PRKCH: variants seen among roughly 807,000 people sequenced by gnomAD.
The protein encoded by PRKCH is protein kinase C eta, also known as protein kinase C eta type.
A neutral mutation model predicts 82.5 loss-of-function variants in PRKCH; 28 were observed. The ratio of observed to expected loss-of-function variants is 0.34; its 90% confidence interval spans 0.25 to 0.47. The LOEUF (loss-of-function observed/expected upper bound fraction) is 0.47, where lower values mean the gene tolerates loss of function less well. Ranked by LOEUF, PRKCH falls within the 20% of genes least tolerant of loss-of-function variation. The pLI is 1.00. For missense variants in PRKCH, 705 were observed against 881.8 expected (o/e 0.80, Z 2.54); for synonymous variants, 322 against 327.4 (o/e 0.98, Z 0.18).
chr14:61,404,147 A>G (rs1163500370), intron 2 of PRKCH, among the ~76,000 whole-genome samples: 2 of 152,128 alleles, frequency 1.3e-5, no homozygotes, highest in Non-Finnish European at 2.9e-5. Flanking sequence ...TCTACCGTGA[A>G]ACTCGTCTTC....
rs575687570 is a variant in PRKCH at position 61,201,910 on chromosome 14, G to A, written c.-19+14242G>A. ...TGAAAACCAGTTACCTACAAAAAGTGAGCCTGGGGTGCTGATTATGGAGTG... is the reference window on the plus strand; with the variant it reads ...TGAAAACCAGTTACCTACAAAAAGTAAGCCTGGGGTGCTGATTATGGAGTG... On this transcript the variant is annotated intron_variant, in intron 1 of 3. Coordinates refer to the PRKCH transcript ENST00000555185. Among the ~76,000 whole-genome samples the A allele has an allele frequency of 1.1e-4, 17 of 152,234 alleles. No individual in the cohort carries two copies. The South Asian group carries it at 3.5e-3, about 32-fold the overall frequency.
chr14:61,265,127 A>T (rs2045086320), intron 1 of PRKCH, among the ~76,000 whole-genome samples: 1 of 152,200 alleles, frequency 6.6e-6, no homozygotes, highest in South Asian at 2.1e-4. Flanking sequence ...CTCAGTGGAA[A>T]ATAACAGGGT....
At chr14:61,493,914 G>A (rs1057494267) in intron 10 of PRKCH, among the ~76,000 whole-genome samples, 4 of 151,926 alleles carry the variant, frequency 2.6e-5, no homozygotes, top group Non-Finnish European at 4.4e-5. Flanking sequence ...TAGTATTTGG[G>A]TGGATTCAGG....
At chr14:61,540,685 G>T in intron 12 of PRKCH, among the ~76,000 whole-genome samples, 1 of 152,122 alleles carries the variant, frequency 6.6e-6, no homozygotes, top group Non-Finnish European at 1.5e-5. Context: ...TGTATCAAAC[G>T]GTATCATTCT....
chr14:61,243,948 TAAAA>T (rs36057064), intron 1 of PRKCH, among the ~76,000 whole-genome samples: 2 of 148,504 alleles, frequency 1.3e-5, no homozygotes, highest in Non-Finnish European at 3.0e-5. Flanking sequence ...TCATCTTAAT[TAAAA>T]AAAAAAAAAA....
intron 1 of PRKCH, among the ~76,000 whole-genome samples, chr14:61,223,192 G>A (rs1198334196): frequency 6.6e-6 from 1 of 152,160 alleles, no homozygotes; most frequent in African/African-American, 2.4e-5. Context: ...TTCAACCCAG[G>A]AAAGGATCCA....
intron 2 of PRKCH, among the ~76,000 whole-genome samples, chr14:61,434,373 A>G (rs1883574320): frequency 6.6e-6 from 1 of 152,186 alleles, no homozygotes; most frequent in African/African-American, 2.4e-5. Flanking sequence ...CCTGAAACCG[A>G]GCAGTGATGA....
intron 1 of PRKCH, among the ~76,000 whole-genome samples, chr14:61,385,396 T>G (rs1423336540): frequency 6.6e-6 from 1 of 152,124 alleles, no homozygotes; most frequent in Non-Finnish European, 1.5e-5. Context: ...TAGGTTTTTA[T>G]GAAGGTTTTG....
In PRKCH at chr14:61,210,772, C is replaced by CTG. The variant is rs1249726064; in HGVS notation, c.-19+23105_-19+23106insGT. On this transcript the variant is annotated intron_variant, in intron 1 of 3. Coordinates refer to the PRKCH transcript ENST00000555185. ...GAGTCCTTTCTCTCTCTCTCTCTCT[C>CTG]TCTCTCTCTCTCTCTCTCTGTGTGT... Among the ~76,000 whole-genome samples the CTG allele has an allele frequency of 1.2e-3, 159 of 135,272 alleles. 1 individual carries two copies. In the East Asian group the frequency reaches 0.023, roughly 20 times the overall value. 88.7% of individuals were successfully genotyped at this position (135,272 alleles called of 152,430 possible).
chr14:61,268,816 G>C (rs1413748725), intron 1 of PRKCH, among the ~76,000 whole-genome samples: 1 of 152,086 alleles, frequency 6.6e-6, no homozygotes, highest in Non-Finnish European at 1.5e-5. Flanking sequence ...AATGCTAACT[G>C]GGCATACTTA....
chr14:61,322,513 C>A, intron 1 of PRKCH, 49 bp downstream of exon 1: 2 of 1,543,858 alleles, frequency 1.3e-6, no homozygotes, highest in Non-Finnish European at 8.7e-7. Context: ...CCCCCGTTCC[C>A]CTTATGTTTT....
intron 10 of PRKCH, among the ~76,000 whole-genome samples, chr14:61,501,215 T>A (rs1259087230): frequency 6.6e-6 from 1 of 152,142 alleles, no homozygotes; most frequent in Admixed American, 6.5e-5. Flanking sequence ...ACATTATCAG[T>A]TGTTAAGAAG....
chr14:61,449,550 G>A (rs985084464), intron 5 of PRKCH, among the ~76,000 whole-genome samples: 1 of 152,138 alleles, frequency 6.6e-6, no homozygotes, highest in African/African-American at 2.4e-5. Flanking sequence ...TAAGCTATAT[G>A]GATTGGTTCT....
chr14:61,205,578 G>A (rs927702640), intron 1 of PRKCH, among the ~76,000 whole-genome samples: 13 of 152,164 alleles, frequency 8.5e-5, no homozygotes, highest in African/African-American at 3.1e-4. Flanking sequence ...TGTGTGAGGT[G>A]AGCACTTCCT....
chr14:61,310,535 G>C (rs187625681), intron 1 of PRKCH, among the ~76,000 whole-genome samples: 1 of 152,354 alleles, frequency 6.6e-6, no homozygotes, highest in East Asian at 1.9e-4. Context: ...GCCTTGGGCA[G>C]CTCCACCCCT....
chr14:61,296,795 G>T (rs566596171), intron 1 of PRKCH, among the ~76,000 whole-genome samples: 1 of 152,292 alleles, frequency 6.6e-6, no homozygotes, highest in Non-Finnish European at 1.5e-5. Context: ...TACGCATGAG[G>T]AACCCTATGT....
At chr14:61,398,639 C>T (rs2046819855) in intron 2 of PRKCH, among the ~76,000 whole-genome samples, 2 of 152,070 alleles carry the variant, frequency 1.3e-5, no homozygotes, top group Non-Finnish European at 2.9e-5. Context: ...GGTAGTTTTG[C>T]CCAAAACTCA....
At chr14:61,540,160 A>G (rs146129563) in intron 12 of PRKCH, among the ~76,000 whole-genome samples, 278 of 152,226 alleles carry the variant, frequency 1.8e-3, no homozygotes, top group Non-Finnish European at 3.3e-3. Context: ...TTCCAGCCCT[A>G]TTACTTTTCT....
chr14:61,422,874 C>T (rs961864112), intron 2 of PRKCH, among the ~76,000 whole-genome samples: 2 of 152,130 alleles, frequency 1.3e-5, no homozygotes, highest in Non-Finnish European at 2.9e-5. Flanking sequence ...TGTGCACACA[C>T]GTATGCACAC....
Sources: gnomAD v4.1 joint callset for allele counts (sites outside exome capture counted in the v4.1 genomes callset) on GRCh38, gnomAD v4.1.1 for gene constraint, MANE v1.5 for transcripts, NCBI Gene and HGNC (gene_info 2026-07-23, HGNC 2026-07-21) for gene names.